The following USP45 variants were observed in gnomAD, a reference collection of about 807,000 sequenced individuals.
The protein encoded by USP45 is ubiquitin carboxyl-terminal hydrolase 45.
USP45 carries 89 observed loss-of-function variants against 95.8 expected under a neutral mutation model. The ratio of observed to expected loss-of-function variants is 0.93; its 90% CI spans 0.78 to 1.11. The LOEUF (loss-of-function observed/expected upper bound fraction) is 1.11, where lower values mean the gene tolerates loss of function less well. Among genes scored for constraint, USP45 ranks in the 50% least tolerant of loss-of-function variants. The pLI is 0.00. For missense variants in USP45, 898 were observed against 942.5 expected, an observed-to-expected ratio of 0.95 and a Z score of 0.62; for synonymous variants, 281 against 316.2, an observed-to-expected ratio of 0.89 and a Z score of 1.18.
chr6:99,448,053 T>C (rs1181148579), intron 13 of USP45, among the ~76,000 whole-genome samples: 1 of 151,996 alleles, frequency 6.6e-6, no homozygotes, highest in Non-Finnish European at 1.5e-5. Context: ...GTCACCATCA[T>C]CAAAGACCAA....
intron 7 of USP45, among the ~76,000 whole-genome samples, chr6:99,487,667 C>A (rs930583010): frequency 6.7e-6 from 1 of 149,406 alleles, no homozygotes; most frequent in Non-Finnish European, 1.5e-5. Flanking sequence ...GTTAGCCGGG[C>A]GCCTATAGTC....
intron 5 of USP45, among the ~76,000 whole-genome samples, chr6:99,502,252 C>T (rs568076865): frequency 6.6e-6 from 1 of 152,336 alleles, no homozygotes; most frequent in East Asian, 1.9e-4. Context: ...GACACAGAAG[C>T]TTCACATTTG....
chr6:99,461,708 T>TA (rs934929841), intron 13 of USP45: 34 of 985,104 alleles, frequency 3.5e-5, no homozygotes, highest in Non-Finnish European at 3.9e-5. Context: ...ACAGAAAAGG[T>TA]AAAAAACTCA....
intron 5 of USP45, among the ~76,000 whole-genome samples, chr6:99,500,328 T>C (rs2128771617): frequency 6.6e-6 from 1 of 152,302 alleles, no homozygotes; most frequent in Middle Eastern, 3.4e-3. Context: ...TTTCACCATG[T>C]TGGCCAGGCT....
chr6:99,455,819 TAAAAAAAAAAAA>T (rs35285232), intron 13 of USP45, among the ~76,000 whole-genome samples: 4 of 44,368 alleles, frequency 9.0e-5, no homozygotes, highest in Admixed American at 4.0e-4. Context: ...ATGTGAGAGC[TAAAAAAAAAAAA>T]AAAAAAAAAA....
intron 4 of USP45, among the ~76,000 whole-genome samples, chr6:99,506,607 C>CA (rs1416657508): frequency 6.6e-6 from 1 of 152,156 alleles, no homozygotes; most frequent in Non-Finnish European, 1.5e-5. Context: ...TCACGCCCCA[C>CA]AAAAAACTTG....
Position 99,468,576 on chromosome 6 carries a change from T to C in USP45, c.976A>G (p.Thr326Ala). Residue 326 changes from threonine (T) to alanine (A), a missense_variant, in exon 10 of 18, where the codon ACT becomes GCT. Coordinates refer to ENST00000500704, the MANE Select transcript of USP45 (RefSeq NM_001346022.3). The stretch of plus-strand genomic sequence containing the variant: ...CTAGTTTCATCATCAGCAGTTTTAG[T>C]AGTTGGGTTGTTAAATGCTTTTAGA... ...SILKAFNNPT[T>A]KTADDETRKK... The C allele has an allele frequency of 1.2e-6, 2 of 1,609,800 alleles. No individual in the cohort carries two copies. The highest frequency in any genetic ancestry group is 1.7e-6 in the Non-Finnish European group (2 of 1,177,462).
intron 13 of USP45, among the ~76,000 whole-genome samples, chr6:99,452,490 C>T (rs1784112317): frequency 6.6e-6 from 1 of 152,160 alleles, no homozygotes; most frequent in South Asian, 2.1e-4. Context: ...CCATCTCACA[C>T]CAGTTAGAAT....
At chr6:99,501,223 C>T (rs1225843822) in intron 5 of USP45, among the ~76,000 whole-genome samples, 1 of 151,266 alleles carries the variant, frequency 6.6e-6, no homozygotes, top group Non-Finnish European at 1.5e-5. Flanking sequence ...TCTTCATGAT[C>T]TCCCCACCCC....
Position 99,507,509 on chromosome 6 carries a change from C to T in USP45, c.296G>A (p.Ser99Asn), listed in dbSNP as rs1798807693. The T allele has an allele frequency of 6.2e-7, 1 of 1,612,452 alleles. No individual in the cohort carries two copies. Among genetic ancestry groups the T allele is most frequent in the Non-Finnish European group, 8.5e-7 (1 of 1,179,108 alleles). Residue 99 changes from serine (S) to asparagine (N), a missense_variant, in exon 4 of 18, where the codon AGC (serine) becomes AAC (asparagine). By Grantham distance (46) the Ser-to-Asn change is conservative. Coordinates refer to ENST00000500704, the MANE Select transcript of USP45 (RefSeq NM_001346022.3). ...CTTAAAGTGCTTCAATGAATGTTGG[C>T]TTTCTGAGTTTTTACCACATCCCTG... ...GFQGCGKNSE[S>N]QHSLKHFKSS...
chr6:99,441,247 C>G (rs1411982449), intron 15 of USP45, among the ~76,000 whole-genome samples: 4 of 151,986 alleles, frequency 2.6e-5, no homozygotes, highest in African/African-American at 2.4e-5. Flanking sequence ...TAAAACATTA[C>G]TCGGCCGGGC....
intron 12 of USP45, 30 bp downstream of exon 12, chr6:99,465,050 A>C: frequency 1.3e-6 from 2 of 1,528,408 alleles, no homozygotes; most frequent in Non-Finnish European, 1.8e-6. Flanking sequence ...TTCTTCACCA[A>C]AGCTTCATCA....
At chr6:99,496,166 T>C (rs1796246203) in intron 5 of USP45, among the ~76,000 whole-genome samples, 1 of 152,126 alleles carries the variant, frequency 6.6e-6, no homozygotes, top group South Asian at 2.1e-4. Context: ...CAAAAATAAA[T>C]AGAGATAGGG....
At chr6:99,508,249 T>C (rs900925674) in intron 3 of USP45, among the ~76,000 whole-genome samples, 3 of 152,200 alleles carry the variant, frequency 2.0e-5, no homozygotes, top group African/African-American at 7.2e-5. Context: ...ACTTTAAGAT[T>C]TTAAATTACT....
At chr6:99,473,637 C>T (rs1303485759) in intron 9 of USP45, among the ~76,000 whole-genome samples, 2 of 152,064 alleles carry the variant, frequency 1.3e-5, no homozygotes, top group Non-Finnish European at 2.9e-5. Flanking sequence ...ACCCTGTAAT[C>T]CCAGCTACTC....
intron 1 of USP45, among the ~76,000 whole-genome samples, chr6:99,513,728 G>A (rs1800455935): frequency 6.6e-6 from 1 of 152,104 alleles, no homozygotes; most frequent in South Asian, 2.1e-4. Flanking sequence ...TGATTTTTCT[G>A]CCATATGTAA....
At position 99,439,854 on chromosome 6, in the gene USP45, G is replaced by A; in HGVS notation, c.2075C>T (p.Ala692Val). 6.3e-7 allele frequency: 1 copy of A among 1,598,310 alleles called. No homozygotes were observed. The highest frequency in any genetic ancestry group is 8.5e-7 in the Non-Finnish European group (1 of 1,173,458). The stretch of plus-strand genomic sequence containing the variant: ...GTTTACTTTACGAAGACTCAAGCCA[G>A]CCTTAAAAAGACCAAAACATTTTTG... ...LILHLKRFHQ[A>V]GLSLRKVNRH... The change falls in exon 16 of 18, where the codon GCT (alanine) becomes GTT (valine). Residue 692 changes from alanine (A) to valine (V), a missense_variant and splice_region_variant. Physicochemically the swap from Ala to Val is moderately conservative, Grantham distance 64. Coordinates refer to ENST00000500704, the MANE Select transcript of USP45 (RefSeq NM_001346022.3).
chr6:99,492,605 G>A (rs1204879302), intron 5 of USP45, among the ~76,000 whole-genome samples: 2 of 151,166 alleles, frequency 1.3e-5, no homozygotes, highest in Non-Finnish European at 2.9e-5. Context: ...AGTGATTCTC[G>A]TGCCTCAGTC....
intron 13 of USP45, among the ~76,000 whole-genome samples, chr6:99,455,665 A>G (rs1784877771): frequency 1.3e-5 from 2 of 152,004 alleles, no homozygotes; most frequent in South Asian, 4.1e-4. Context: ...AAGAAAATGT[A>G]GTATATATCC....
Sources: gnomAD v4.1 joint callset for allele counts (sites outside exome capture counted in the v4.1 genomes callset) on GRCh38, gnomAD v4.1.1 for gene constraint, MANE v1.5 for transcripts, NCBI Gene and HGNC (gene_info 2026-07-23, HGNC 2026-07-21) for gene names.